Variants in HKDC1 observed in about 807,000 individuals in gnomAD.
The protein encoded by HKDC1 is hexokinase HKDC1.
Under a neutral mutation model 96.6 loss-of-function variants are expected in HKDC1, and 66 were observed. The ratio of observed to expected loss-of-function variants is 0.68; its 90% confidence interval spans 0.56 to 0.84. The LOEUF (loss-of-function observed/expected upper bound fraction) is 0.84. HKDC1 is among the 40% of genes least tolerant of loss of function. The pLI is 0.00. For missense variants in HKDC1, 1,211 were observed against 1,208.1 expected, an observed-to-expected ratio of 1.00 and a Z score of -0.04; for synonymous variants, 466 against 473.1, an observed-to-expected ratio of 0.98 and a Z score of 0.20.
rs368846221 is a variant in HKDC1 at position 69,248,694 on chromosome 10, G to T, written c.1536G>T (p.Leu512=). ...ACGGGCTGGCCACGGTCAGGATGCT[G>T]CCCACCTACGTCTGCGGGCTGCCGG... ...KSHGLATVRM[L]PTYVCGLPDG... The change falls in exon 10 of 18, where the codon CTG becomes CTT. Residue 512 remains leucine, a synonymous_variant. Coordinates refer to ENST00000354624, the MANE Select transcript of HKDC1 (RefSeq NM_025130.4). The T allele has an allele frequency of 6.8e-6, 11 of 1,612,958 alleles. No homozygotes were observed. Among genetic ancestry groups the T allele is most frequent in the Non-Finnish European group, 8.5e-6 (10 of 1,179,276 alleles).
chr10:69,227,498 C>A, intron 2 of HKDC1, 129 bp downstream of exon 2: 1 of 949,444 alleles, frequency 1.1e-6, no homozygotes, highest in Non-Finnish European at 1.6e-6. Flanking sequence ...ACCCTCCCTG[C>A]CCCTCTCTGC....
intron 2 of HKDC1, among the ~76,000 whole-genome samples, chr10:69,230,228 A>C (rs747359535): frequency 6.6e-6 from 1 of 152,210 alleles, no homozygotes; most frequent in Non-Finnish European, 1.5e-5. Context: ...TGGAAGGGGC[A>C]TGGGAAGCAT....
At chr10:69,229,174 G>A (rs1843208560) in intron 2 of HKDC1, among the ~76,000 whole-genome samples, 1 of 152,208 alleles carries the variant, frequency 6.6e-6, no homozygotes, top group Non-Finnish European at 1.5e-5. Flanking sequence ...TCGTGAAAGA[G>A]CACTGGGGCT....
In HKDC1 at chr10:69,266,861, C is replaced by T. The variant is rs567731222; in HGVS notation, c.*104C>T. The T allele has an allele frequency of 9.1e-6, 11 of 1,206,954 alleles. No individual in the cohort carries two copies. The highest frequency in any genetic ancestry group is 8.1e-6 in the Non-Finnish European group (7 of 863,664). 74.8% of individuals were successfully genotyped at this position (1,206,954 alleles called of 1,614,324 possible). On this transcript the variant is annotated 3_prime_UTR_variant, in exon 18 of 18. Coordinates refer to ENST00000354624, the MANE Select transcript of HKDC1 (RefSeq NM_025130.4). ...TGGGCACCCTCCTGGCTGACCTCAC[C>T]TTCTGGATGGCCGAAAGAGAACCCC...
At position 69,243,258 on chromosome 10, in the gene HKDC1, C is replaced by T; in HGVS notation, c.768C>T (p.Cys256=). ...DLVEGDEGRM[C]INTEWGAFGD... ...TGGAGGGCGACGAGGGCAGGATGTG[C>T]ATCAACACAGAGTGGGGGGCCTTCG... The change falls in exon 7 of 18, where the codon TGC becomes TGT. Residue 256 remains cysteine, a synonymous_variant. Coordinates refer to ENST00000354624, the MANE Select transcript of HKDC1 (RefSeq NM_025130.4). 6.2e-7 allele frequency: 1 copy of T among 1,614,126 alleles called. No individual in the cohort carries two copies. The highest frequency in any genetic ancestry group is 1.3e-5 in the African/African-American group (1 of 75,050).
chr10:69,266,506 A>G (rs1843901312), intron 17 of HKDC1, 104 bp from the exon 18 acceptor site: 4 of 1,308,234 alleles, frequency 3.1e-6, no homozygotes, highest in Non-Finnish European at 4.2e-6. Flanking sequence ...GAGCCTTGAA[A>G]AGCAAACCAA....
At chr10:69,257,271 T>C in intron 13 of HKDC1, 56 bp from the exon 14 acceptor site, 1 of 1,530,344 alleles carries the variant, frequency 6.5e-7, no homozygotes, top group Non-Finnish European at 9.1e-7. Context: ...CTGTTTGGCT[T>C]GCACATTCAA....
At chr10:69,259,970 C>T (rs942678241) in intron 15 of HKDC1, among the ~76,000 whole-genome samples, 1 of 152,108 alleles carries the variant, frequency 6.6e-6, no homozygotes, top group Admixed American at 6.5e-5. Context: ...GATTATTAAC[C>T]CAGGCCCATC....
rs541486409 is a variant in HKDC1, at chr10:69,236,578, C to T, written c.496-2464C>T. 4.4e-3 allele frequency among the ~76,000 whole-genome samples: 662 copies of T among 151,640 alleles called. 4 individuals carry two copies. Among genetic ancestry groups the T allele is most frequent in the African/African-American group, 0.015 (634 of 41,368 alleles). On this transcript the variant is annotated intron_variant, in intron 4 of 17. Transcript: ENST00000354624. ...GGTGGATCACCTGAGGTCGGGAGTT[C>T]GAGACCAGCCTGACCAACATGGAGA... is the stretch of plus-strand genomic sequence containing the variant.
intron 16 of HKDC1, among the ~76,000 whole-genome samples, chr10:69,263,044 T>C (rs2132380659): frequency 6.6e-6 from 1 of 152,280 alleles, no homozygotes; most frequent in Middle Eastern, 3.4e-3. Context: ...GATGTTTTGA[T>C]TTCTACAGGT....
intron 7 of HKDC1, 132 bp downstream of exon 7, chr10:69,243,497 T>G: frequency 2.8e-6 from 2 of 713,472 alleles, no homozygotes; most frequent in Non-Finnish European, 4.0e-6. Flanking sequence ...TTTTTCTTTT[T>G]CCTTTTTTTT....
intron 16 of HKDC1, 200 bp from the exon 17 acceptor site, chr10:69,265,385 A>G: frequency 3.4e-6 from 2 of 591,104 alleles, no homozygotes; most frequent in Non-Finnish European, 5.9e-6. Context: ...TTTATTTTTT[A>G]AAGTTGATGG....
In HKDC1 at chr10:69,227,351, G is replaced by A; in HGVS notation, c.208G>A (p.Ala70Thr). ...AVKMLPTFVR[A>T]IPDGSENGEF... ...GAAGATGTTGCCCACCTTCGTCAGG[G>A]CCATTCCCGATGGTTCCGGTGAGTG... Residue 70 changes from alanine to threonine, a missense_variant, in exon 2 of 18, where the codon GCC (alanine) becomes ACC (threonine). Coordinates refer to ENST00000354624, the MANE Select transcript of HKDC1 (RefSeq NM_025130.4). 3 of 1,614,182 alleles carry A rather than the reference G, an allele frequency of 1.9e-6. No individual in the cohort carries two copies. Among genetic ancestry groups the A allele is most frequent in the Non-Finnish European group, 2.5e-6 (3 of 1,180,028 alleles).
At chr10:69,221,957 C>T (rs749228290) in intron 1 of HKDC1, among the ~76,000 whole-genome samples, 2 of 151,950 alleles carry the variant, frequency 1.3e-5, no homozygotes, top group African/African-American at 2.4e-5. Flanking sequence ...GATGGTGGCT[C>T]ATACCTATAA....
At chr10:69,256,922 G>C (rs772301403) in intron 12 of HKDC1, 114 bp from the exon 13 acceptor site, 10 of 767,452 alleles carry the variant, frequency 1.3e-5, no homozygotes, top group Non-Finnish European at 2.3e-5. Context: ...ATAGTCAAAA[G>C]CACACGTACT....
At chr10:69,232,546 G>T (rs559867049) in intron 2 of HKDC1, 1 of 574,824 alleles carries the variant, frequency 1.7e-6, no homozygotes, top group East Asian at 3.0e-5. Flanking sequence ...GTTGGGCTCA[G>T]GCTGCAGAGT....
At chr10:69,230,564 G>A (rs187447192) in intron 2 of HKDC1, among the ~76,000 whole-genome samples, 40 of 152,298 alleles carry the variant, frequency 2.6e-4, no homozygotes, top group Admixed American at 2.4e-3. Flanking sequence ...AGGGTCCTCT[G>A]GAGCAGGCAG....
intron 2 of HKDC1, chr10:69,232,390 G>C: frequency 4.6e-6 from 1 of 215,500 alleles, no homozygotes; most frequent in East Asian, 1.2e-4. Flanking sequence ...AGTTTCCCCA[G>C]GCTGGGAGCA....
intron 12 of HKDC1, among the ~76,000 whole-genome samples, chr10:69,253,244 G>C (rs1843671950): frequency 6.6e-6 from 1 of 152,194 alleles, no homozygotes; most frequent in South Asian, 2.1e-4. Flanking sequence ...TCGGCCTGGA[G>C]CTGACAGTGG....
Sources: allele counts gnomAD v4.1 joint callset (sites outside exome capture counted in the v4.1 genomes callset), GRCh38; gene constraint gnomAD v4.1.1; transcripts MANE v1.5; gene names NCBI Gene and HGNC (gene_info 2026-07-23, HGNC 2026-07-21).